Variants in PLXDC1 observed in about 807,000 individuals in gnomAD.
The protein encoded by PLXDC1 is plexin domain-containing protein 1.
A neutral mutation model predicts 61.3 loss-of-function variants in PLXDC1; 39 were observed. That is an observed-to-expected ratio of 0.64 (90% CI 0.49 to 0.83). The LOEUF is 0.83. PLXDC1 is among the 40% of genes least tolerant of loss of function. The pLI is 0.00. For synonymous variants in PLXDC1, 212 were observed against 254.5 expected (o/e 0.83, Z 1.59); for missense variants, 596 against 666.5 (o/e 0.89, Z 1.17).
chr17:39,138,558 CAG>C (rs1236273864), intron 2 of PLXDC1, among the ~76,000 whole-genome samples: 2 of 151,856 alleles, frequency 1.3e-5, no homozygotes, highest in African/African-American at 4.8e-5. Flanking sequence ...AACCAGTGCA[CAG>C]AGAGGTAGCA....
intron 1 of PLXDC1, among the ~76,000 whole-genome samples, chr17:39,149,355 C>T (rs555584874): frequency 6.6e-6 from 1 of 152,122 alleles, no homozygotes; most frequent in South Asian, 2.1e-4. Context: ...GTCAGGCTGC[C>T]CCTCCTTAGC....
At chr17:39,152,922 A>AG, upstream of PLXDC1, 1 of 359,408 alleles carries the variant, frequency 2.8e-6, no homozygotes. Flanking sequence ...ATGTCCCCTT[A>AG]CCGTGGAACA....
At chr17:39,080,106 G>A (rs1245634009) in intron 9 of PLXDC1, 1 of 154,332 alleles carries the variant, frequency 6.5e-6, no homozygotes, top group Non-Finnish European at 1.4e-5. Flanking sequence ...GCTATTGGAG[G>A]CTGAGAACTA....
At chr17:39,099,194 A>G (rs1910331519) in intron 7 of PLXDC1, among the ~76,000 whole-genome samples, 1 of 151,626 alleles carries the variant, frequency 6.6e-6, no homozygotes, top group South Asian at 2.1e-4. Flanking sequence ...GAGCAGACAT[A>G]GCCTCCCTGC....
At chr17:39,075,630 T>C (rs1909297469) in intron 11 of PLXDC1, among the ~76,000 whole-genome samples, 1 of 152,182 alleles carries the variant, frequency 6.6e-6, no homozygotes, top group African/African-American at 2.4e-5. Context: ...TGAATGTTAA[T>C]TTATGCGCTA....
At chr17:39,146,497 C>A (rs1304776386) in intron 1 of PLXDC1, among the ~76,000 whole-genome samples, 1 of 151,888 alleles carries the variant, frequency 6.6e-6, no homozygotes, top group African/African-American at 2.4e-5. Context: ...GACAACATAG[C>A]AAGACCCCAT....
At chr17:39,147,777 A>T (rs1567775903) in intron 1 of PLXDC1, among the ~76,000 whole-genome samples, 2 of 152,006 alleles carry the variant, frequency 1.3e-5, no homozygotes, top group African/African-American at 4.8e-5. Context: ...TGATATACTC[A>T]CTCAGTCACT....
chr17:39,118,280 T>C (rs2143763214), intron 2 of PLXDC1, among the ~76,000 whole-genome samples: 1 of 152,174 alleles, frequency 6.6e-6, no homozygotes, highest in Non-Finnish European at 1.5e-5. Context: ...TCTGGGCTAC[T>C]GCAACCTCTG....
At chr17:39,111,268 AAC>A (rs2143703207) in intron 2 of PLXDC1, among the ~76,000 whole-genome samples, 1 of 152,142 alleles carries the variant, frequency 6.6e-6, no homozygotes, top group Non-Finnish European at 1.5e-5. Flanking sequence ...CTGGTCATTC[AAC>A]ACTCGGCTTA....
At chr17:39,091,435 C>A (rs1909946205) in intron 7 of PLXDC1, among the ~76,000 whole-genome samples, 1 of 152,160 alleles carries the variant, frequency 6.6e-6, no homozygotes. Flanking sequence ...GACTCCTGCA[C>A]TGGAGCCGGA....
chr17:39,146,061 G>T (rs1197749463), intron 1 of PLXDC1, among the ~76,000 whole-genome samples: 2 of 149,066 alleles, frequency 1.3e-5, no homozygotes, highest in Admixed American at 6.6e-5. Context: ...GCTGCACTTC[G>T]GCCCATTCCT....
At chr17:39,146,948 ATTTTTTTTT>A (rs869300584) in intron 1 of PLXDC1, among the ~76,000 whole-genome samples, 8 of 74,686 alleles carry the variant, frequency 1.1e-4, no homozygotes, top group Non-Finnish European at 2.0e-4. Flanking sequence ...ACAGGAAATG[ATTTTTTTTT>A]TTTTTTTTTT....
intron 2 of PLXDC1, among the ~76,000 whole-genome samples, chr17:39,116,927 G>A (rs539599387): frequency 1.3e-5 from 2 of 152,324 alleles, no homozygotes; most frequent in East Asian, 3.9e-4. Context: ...TGTGGCCCCC[G>A]ATTATTACAA....
chr17:39,120,148 C>T (rs753533482), intron 2 of PLXDC1, among the ~76,000 whole-genome samples: 6 of 152,138 alleles, frequency 3.9e-5, no homozygotes, highest in African/African-American at 7.2e-5. Context: ...TCTGACCCAG[C>T]GCTTTTTTGT....
rs1260623629 is a variant in PLXDC1, at chr17:39,108,258, A to C, written c.470-13T>G. On this transcript the variant is annotated splice_polypyrimidine_tract_variant and intron_variant, in intron 4 of 13. Transcript: ENST00000315392. ...ATGAAGATGAAGCCTAGGGTGGGAG[A>C]GGTGCAGAGGAGTCACCAGAAATGG... is the stretch of plus-strand genomic sequence containing the variant. The C allele has an allele frequency of 6.2e-7, 1 of 1,613,396 alleles. No individual in the cohort carries two copies. The highest frequency in any genetic ancestry group is 8.5e-7 in the Non-Finnish European group (1 of 1,179,942).
At chr17:39,114,413 C>T (rs992115909) in intron 2 of PLXDC1, among the ~76,000 whole-genome samples, 8 of 152,224 alleles carry the variant, frequency 5.3e-5, no homozygotes, top group African/African-American at 1.4e-4. Flanking sequence ...GGAGTCACTT[C>T]CTCAAGAAAG....
chr17:39,127,250 C>G (rs1460587373), intron 2 of PLXDC1, among the ~76,000 whole-genome samples: 1 of 152,128 alleles, frequency 6.6e-6, no homozygotes, highest in Non-Finnish European at 1.5e-5. Context: ...CACGGTCTAC[C>G]TCATCTGGGA....
chr17:39,100,851 G>A lies in PLXDC1; in HGVS notation c.811+5003C>T, dbSNP rs573596108. Among the ~76,000 whole-genome samples, 23 of 152,366 alleles carry A rather than the reference G, an allele frequency of 1.5e-4. No homozygotes were observed. The South Asian group carries it at 4.6e-3, about 30-fold the overall frequency. On this transcript the variant is annotated intron_variant, in intron 7 of 13. Coordinates refer to ENST00000315392, the MANE Select transcript of PLXDC1 (RefSeq NM_020405.5). ...TGTAATACTTGATAGAGGACTGGGAGCGCAGGGGGCTAAGGGGAGGGCAGG... is the reference window on the plus strand; with the variant it reads ...TGTAATACTTGATAGAGGACTGGGAACGCAGGGGGCTAAGGGGAGGGCAGG...
chr17:39,127,380 C>A (rs1911342709), intron 2 of PLXDC1, among the ~76,000 whole-genome samples: 1 of 152,112 alleles, frequency 6.6e-6, no homozygotes, highest in Non-Finnish European at 1.5e-5. Flanking sequence ...ATCCCCTAGA[C>A]CAGAGCCGAA....
Sources: allele counts gnomAD v4.1 joint callset (sites outside exome capture counted in the v4.1 genomes callset), GRCh38; gene constraint gnomAD v4.1.1; transcripts MANE v1.5; gene names NCBI Gene and HGNC (gene_info 2026-07-23, HGNC 2026-07-21).